Variants in ZWILCH observed in about 807,000 individuals in gnomAD.
The protein encoded by ZWILCH is protein zwilch homolog.
In ZWILCH, 74 loss-of-function variants were observed where a neutral mutation model predicts 79.9. The ratio of observed to expected loss-of-function variants is 0.93; its 90% CI spans 0.77 to 1.12. The LOEUF (loss-of-function observed/expected upper bound fraction) is 1.12. Ranked by LOEUF, ZWILCH falls within the 50% of genes most tolerant of loss-of-function variation. The pLI is 0.00. For missense variants in ZWILCH, 694 were observed against 687.5 expected (o/e 1.01, Z -0.11); for synonymous variants, 241 against 228.2 (o/e 1.06, Z -0.51).
At chr15:66,508,375 A>G (rs543875869) in intron 1 of ZWILCH, among the ~76,000 whole-genome samples, 3 of 152,264 alleles carry the variant, frequency 2.0e-5, no homozygotes, top group Non-Finnish European at 1.5e-5. Context: ...TGGAGGACAG[A>G]TGCTTCCATT....
Position 66,527,356 on chromosome 15 carries a change from G to A in ZWILCH, c.886G>A (p.Val296Ile), listed in dbSNP as rs755429665. 5.6e-6 allele frequency: 9 copies of A among 1,613,904 alleles called. No homozygotes were observed. In the African/African-American group the frequency reaches 1.1e-4, roughly 19 times the overall value. ...CGAGCCCCTGGAAGCAAAATCTGCT[G>A]TTGAACTTGTTCAGGAATTTCTGAA... ...WLEPLEAKSA[V>I]ELVQEFLNDL... Residue 296 changes from valine to isoleucine, a missense_variant, in exon 9 of 19, where the codon GTT (valine) becomes ATT (isoleucine). Val to Ile is a conservative substitution (Grantham distance 29, BLOSUM62 3). Coordinates refer to ENST00000307897, the MANE Select transcript of ZWILCH (RefSeq NM_017975.5).
At chr15:66,543,492 T>C (rs982826663) in intron 17 of ZWILCH, among the ~76,000 whole-genome samples, 3 of 152,186 alleles carry the variant, frequency 2.0e-5, no homozygotes, top group Admixed American at 2.0e-4. Context: ...TGGCTCACGA[T>C]TTTGTAATCC....
At position 66,521,100 on chromosome 15, in the gene ZWILCH, G is replaced by A. The variant is rs1192100929; in HGVS notation, c.642G>A (p.Leu214=). 6.2e-7 allele frequency: 1 copy of A among 1,614,080 alleles called. No homozygotes were observed. The highest frequency in any genetic ancestry group is 1.1e-5 in the South Asian group (1 of 91,086). Residue 214 remains leucine, a synonymous_variant, in exon 7 of 19, where the codon TTG becomes TTA. Coordinates refer to ENST00000307897, the MANE Select transcript of ZWILCH (RefSeq NM_017975.5). ...ATGAGCTCTTTAAGTCCTCTGCCTTGGATGATACAATCACAGCATCACAAA... is the reference window on the plus strand; with the variant it reads ...ATGAGCTCTTTAAGTCCTCTGCCTTAGATGATACAATCACAGCATCACAAA... ...AQYELFKSSA[L]DDTITASQTA...
Position 66,544,724 on chromosome 15 carries a change from TTGTGTGTGTG to T in ZWILCH, c.1688-1841_1688-1832del, listed in dbSNP as rs1555426547. The stretch of plus-strand genomic sequence containing the variant: ...TGTTTTTTTGTTGTTTTTTTGGTTT[TTGTGTGTGTG>T]TGTGTGTGTGTGTGTGTGTGTGTGT... On this transcript the variant is annotated intron_variant, in intron 17 of 18. Coordinates refer to ENST00000307897, the MANE Select transcript of ZWILCH (RefSeq NM_017975.5). Among the ~76,000 whole-genome samples the T allele has an allele frequency of 9.3e-3, 1,195 of 128,540 alleles. 27 individuals are homozygous for T. Among genetic ancestry groups the T allele is most frequent in the African/African-American group, 0.035 (1,139 of 32,550 alleles). 84.3% of individuals were successfully genotyped at this position (128,540 alleles called of 152,430 possible). A position where few individuals can be genotyped will look rare whatever the true frequency, so the allele number is the denominator to read the frequency against.
chr15:66,519,008 G>T lies in ZWILCH; in HGVS notation c.450G>T (p.Trp150Cys). ...CDSSDPEGTCWLGAELITTNN... is the reference protein window; with the variant it reads ...CDSSDPEGTCCLGAELITTNN... ...GTTCAGATCCTGAAGGTACTTGTTG[G>T]CTAGGAGCTGAGCTTATCACAACAA... The change falls in exon 5 of 19, where the codon TGG becomes TGT. Residue 150 changes from tryptophan to cysteine, a missense_variant. Trp to Cys is a radical substitution (Grantham distance 215). Coordinates refer to ENST00000307897, the MANE Select transcript of ZWILCH (RefSeq NM_017975.5). 1 of 1,614,184 alleles carries T rather than the reference G, an allele frequency of 6.2e-7. No homozygotes were observed. The highest frequency in any genetic ancestry group is 8.5e-7 in the Non-Finnish European group (1 of 1,180,040).
chr15:66,529,197 G>A (rs1291235060), intron 11 of ZWILCH, among the ~76,000 whole-genome samples: 1 of 152,000 alleles, frequency 6.6e-6, no homozygotes, highest in Admixed American at 6.6e-5. Flanking sequence ...TAATTTTCAT[G>A]ATCTATTTAT....
intron 13 of ZWILCH, 135 bp from the exon 14 acceptor site, chr15:66,532,850 T>C: frequency 1.7e-6 from 1 of 602,860 alleles, no homozygotes; most frequent in African/African-American, 2.0e-5. Context: ...ATAGGAACTA[T>C]AAAAAATTTA....
At position 66,532,306 on chromosome 15, in the gene ZWILCH, C is replaced by T. The variant is rs746041390; in HGVS notation, c.1215C>T (p.Thr405=). ...SKLIHQSYHG[T]MDTVSLSGTI... ...TCATTCATCAGTCTTATCATGGAACCATGGACACAGTTTCTCTCAGTGGGA... is the reference window on the plus strand; with the variant it reads ...TCATTCATCAGTCTTATCATGGAACTATGGACACAGTTTCTCTCAGTGGGA... The change falls in exon 13 of 19, where the codon ACC becomes ACT. Residue 405 remains threonine (T), a synonymous_variant. Transcript: ENST00000307897. 6 of 1,612,336 alleles carry T rather than the reference C, an allele frequency of 3.7e-6. No individual in the cohort carries two copies. The highest frequency in any genetic ancestry group is 1.3e-5 in the African/African-American group (1 of 74,892).
chr15:66,526,540 A>G (rs1346472440), intron 8 of ZWILCH, among the ~76,000 whole-genome samples: 1 of 151,624 alleles, frequency 6.6e-6, no homozygotes, highest in Non-Finnish European at 1.5e-5. Context: ...GCTCACTGCA[A>G]GCTCCACCTC....
chr15:66,505,561 C>G (rs552993188), intron 1 of ZWILCH, 170 bp downstream of exon 1: 1 of 694,980 alleles, frequency 1.4e-6, no homozygotes, highest in East Asian at 2.9e-5. Flanking sequence ...GTGGGGTTGA[C>G]CGTGTGGGAG....
At chr15:66,546,569 C>T (rs1337292490) in intron 17 of ZWILCH, 22 bp from the exon 18 acceptor site, 3 of 1,565,314 alleles carry the variant, frequency 1.9e-6, no homozygotes, top group South Asian at 1.1e-5. Flanking sequence ...CAATTCTGAT[C>T]TCACTCTCTT....
intron 12 of ZWILCH, among the ~76,000 whole-genome samples, chr15:66,529,869 T>C (rs1420863878): frequency 6.6e-6 from 1 of 152,222 alleles, no homozygotes; most frequent in East Asian, 1.9e-4. Context: ...ATATTGTCAT[T>C]GTTAAGTGTT....
rs368680196 is a variant in ZWILCH, at chr15:66,546,592, T to C, written c.1689T>C (p.Asp563=). The change falls in exon 18 of 19, where the codon GAT becomes GAC. Residue 563 remains aspartate (D), a splice_region_variant and synonymous_variant. Transcript: ENST00000307897. ...ATCTCACTCTCTTTTTGATTACAGA[T>C]TTTTCGGAATTAACACTAAACGGTA... ...PIDHLNFHKP[D]FSELTLNGSL... 10 of 1,602,472 alleles carry C rather than the reference T, an allele frequency of 6.2e-6. No individual in the cohort carries two copies. The African/African-American group carries it at 1.2e-4, about 19-fold the overall frequency.
rs759717506 is a variant in ZWILCH, at chr15:66,521,095, G to A, written c.637G>A (p.Ala213Thr). 3.1e-6 allele frequency: 5 copies of A among 1,614,014 alleles called. No homozygotes were observed. In the African/African-American group the frequency reaches 4.0e-5, roughly 13 times the overall value. Reference protein sequence around the residue: ...FAQYELFKSSALDDTITASQT... With the variant: ...FAQYELFKSSTLDDTITASQT... The stretch of plus-strand genomic sequence containing the variant: ...CCAGTATGAGCTCTTTAAGTCCTCT[G>A]CCTTGGATGATACAATCACAGCATC... Residue 213 changes from alanine to threonine, a missense_variant, in exon 7 of 19, where the codon GCC (alanine) becomes ACC (threonine). By Grantham distance (58) the Ala-to-Thr change is moderately conservative. Transcript: ENST00000307897.
chr15:66,532,010 T>C (rs1241768987), intron 12 of ZWILCH, among the ~76,000 whole-genome samples: 1 of 152,090 alleles, frequency 6.6e-6, no homozygotes, highest in Non-Finnish European at 1.5e-5. Context: ...GAGGTTGCTG[T>C]GAGCCGAGAT....
At chr15:66,513,505 G>A (rs1894144621) in intron 2 of ZWILCH, among the ~76,000 whole-genome samples, 1 of 151,958 alleles carries the variant, frequency 6.6e-6, no homozygotes, top group African/African-American at 2.4e-5. Context: ...GTTTGAGGCT[G>A]TAATGCACTA....
intron 16 of ZWILCH, 67 bp from the exon 17 acceptor site, chr15:66,540,031 T>C: frequency 9.3e-7 from 1 of 1,079,008 alleles, no homozygotes; most frequent in Non-Finnish European, 1.4e-6. Context: ...ACTAAATGGC[T>C]GTAGAGGGAA....
chr15:66,542,652 T>C (rs1347178766), intron 17 of ZWILCH, among the ~76,000 whole-genome samples: 1 of 152,056 alleles, frequency 6.6e-6, no homozygotes, highest in African/African-American at 2.4e-5. Context: ...TATTAATAGC[T>C]CAATAGAAAA....
intron 7 of ZWILCH, chr15:66,523,441 A>G: frequency 2.6e-6 from 1 of 385,174 alleles, no homozygotes; most frequent in Non-Finnish European, 4.7e-6. Flanking sequence ...CATAGGTACA[A>G]TTGTTTATGT....
Sources: gnomAD v4.1 joint callset for allele counts (sites outside exome capture counted in the v4.1 genomes callset) on GRCh38, gnomAD v4.1.1 for gene constraint, MANE v1.5 for transcripts, NCBI Gene and HGNC (gene_info 2026-07-23, HGNC 2026-07-21) for gene names.